C9: variants seen among roughly 807,000 people sequenced by gnomAD.
The protein encoded by C9 is complement component C9.
In C9, 63 loss-of-function variants were observed where a neutral mutation model predicts 65.4. The ratio of observed to expected loss-of-function variants is 0.96; its 90% CI spans 0.79 to 1.19. C9 has a LOEUF of 1.19. C9 is among the 50% of genes most tolerant of loss of function. C9 has a pLI of 0.00. For synonymous variants in C9, 229 were observed against 227.9 expected (o/e 1.00, Z -0.04); for missense variants, 744 against 670.1 (o/e 1.11, Z -1.22).
chr5:39,345,142 T>C (rs1253818987), intron 1 of C9, among the ~76,000 whole-genome samples: 1 of 152,170 alleles, frequency 6.6e-6, no homozygotes, highest in African/African-American at 2.4e-5. Context: ...GCTATCATCA[T>C]AATGACAGGA....
At chr5:39,313,526 C>G (rs1002109976) in intron 6 of C9, among the ~76,000 whole-genome samples, 4 of 152,150 alleles carry the variant, frequency 2.6e-5, no homozygotes, top group African/African-American at 9.7e-5. Flanking sequence ...CCTAGAGAAT[C>G]TTGTTAAAAT....
At chr5:39,290,517 T>A (rs1327225806) in intron 9 of C9, among the ~76,000 whole-genome samples, 3 of 151,866 alleles carry the variant, frequency 2.0e-5, no homozygotes, top group African/African-American at 7.2e-5. Context: ...CACAAATTCC[T>A]GCAGAAGAAT....
intron 1 of C9, among the ~76,000 whole-genome samples, chr5:39,351,042 C>T (rs1343579007): frequency 2.0e-5 from 3 of 152,182 alleles, no homozygotes; most frequent in Non-Finnish European, 2.9e-5. Context: ...GTTGAGGTCC[C>T]CAACCTCAAC....
intron 4 of C9, among the ~76,000 whole-genome samples, chr5:39,340,393 CA>C (rs1754053040): frequency 6.6e-6 from 1 of 152,096 alleles, no homozygotes; most frequent in Non-Finnish European, 1.5e-5. Flanking sequence ...CCACCTTTAC[CA>C]AAAACAGCTC....
intron 10 of C9, among the ~76,000 whole-genome samples, chr5:39,285,945 C>G (rs1056045956): frequency 2.0e-5 from 3 of 152,032 alleles, no homozygotes; most frequent in Non-Finnish European, 2.9e-5. Context: ...CTAGAACATT[C>G]TATGTCAACA....
chr5:39,315,045 A>C (rs1470361704), intron 6 of C9, among the ~76,000 whole-genome samples: 2 of 152,316 alleles, frequency 1.3e-5, no homozygotes, highest in East Asian at 3.9e-4. Context: ...TGTACACTTG[A>C]GTGGGTATGC....
intron 1 of C9, among the ~76,000 whole-genome samples, chr5:39,361,151 T>G (rs1361109706): frequency 1.3e-5 from 2 of 151,786 alleles, no homozygotes; most frequent in African/African-American, 4.8e-5. Context: ...TAAAAAATAG[T>G]ATATATAATA....
intron 5 of C9, among the ~76,000 whole-genome samples, chr5:39,322,669 A>G (rs1753682362): frequency 6.6e-6 from 1 of 152,150 alleles, no homozygotes; most frequent in Admixed American, 6.5e-5. Context: ...TTGGCTCTTC[A>G]TATCTGCAGG....
Position 39,342,190 on chromosome 5 carries a change from G to A in C9, c.84C>T (p.Asp28=), listed in dbSNP as rs747315046. Residue 28 remains aspartate, a synonymous_variant, in exon 2 of 11, where the codon GAC becomes GAT. Coordinates refer to ENST00000263408, the MANE Select transcript of C9 (RefSeq NM_001737.5). The part of the protein sequence containing the change: ...ILTAQYTTSY[D]PELTESSGSA... ...AGCCACTGCTTTCTGTTAGCTCTGG[G>A]TCATAACTAAGATAACAGAACATCC... 10 of 1,567,518 alleles carry A rather than the reference G, an allele frequency of 6.4e-6. No individual in the cohort carries two copies. The East Asian group carries it at 1.8e-4, about 28-fold the overall frequency.
Position 39,306,765 on chromosome 5 carries a change from TCTA to T in C9, c.1265_1267del (p.Ile422_Asp423delinsAsn), listed in dbSNP as rs1387362128. ...ACCTCTTATGAGTGAAACAACATCA[TCTA>T]TGAGGTTTTCACTGGTGATGTTTAC... On this transcript the variant is annotated inframe_deletion, in exon 9 of 11. Coordinates refer to ENST00000263408, the MANE Select transcript of C9 (RefSeq NM_001737.5). 1.2e-6 allele frequency: 2 copies of T among 1,612,418 alleles called. No individual in the cohort carries two copies. The highest frequency in any genetic ancestry group is 2.2e-5 in the South Asian group (2 of 91,068).
At chr5:39,288,380 G>T (rs1753029807) in intron 10 of C9, among the ~76,000 whole-genome samples, 3 of 151,736 alleles carry the variant, frequency 2.0e-5, no homozygotes, top group South Asian at 2.1e-4. Context: ...TATATGCAAA[G>T]TGTATATGAT....
At chr5:39,339,291 A>G (rs1429094384) in intron 4 of C9, among the ~76,000 whole-genome samples, 2 of 152,224 alleles carry the variant, frequency 1.3e-5, no homozygotes, top group Non-Finnish European at 2.9e-5. Context: ...GTAATTTTGA[A>G]TGCTGCTTGA....
intron 9 of C9, among the ~76,000 whole-genome samples, chr5:39,306,197 T>TA (rs1346345095): frequency 7.0e-6 from 1 of 143,552 alleles, no homozygotes; most frequent in African/African-American, 2.6e-5. Context: ...ACTTAGTAAA[T>TA]ACAATTCTCC....
intron 4 of C9, among the ~76,000 whole-genome samples, chr5:39,337,561 C>A (rs950933381): frequency 6.6e-6 from 1 of 152,280 alleles, no homozygotes; most frequent in Admixed American, 6.5e-5. Context: ...CCTGCTTTCA[C>A]ACCTGCATCT....
At chr5:39,355,217 T>C (rs372923655) in intron 1 of C9, among the ~76,000 whole-genome samples, 2 of 152,184 alleles carry the variant, frequency 1.3e-5, no homozygotes, top group Non-Finnish European at 2.9e-5. Flanking sequence ...TGGAGAATCA[T>C]GCATGGAAGG....
chr5:39,331,215 T>C (rs1284716261), intron 5 of C9, among the ~76,000 whole-genome samples: 6 of 152,220 alleles, frequency 3.9e-5, no homozygotes, highest in East Asian at 3.9e-4. Context: ...TTATAAATCA[T>C]TTTCAAGAGG....
At chr5:39,355,005 T>A (rs1754390490) in intron 1 of C9, among the ~76,000 whole-genome samples, 5 of 152,248 alleles carry the variant, frequency 3.3e-5, no homozygotes. Context: ...TCTCCAGTGT[T>A]AGTGCTGTTG....
chr5:39,338,718 C>T (rs1168353121), intron 4 of C9, among the ~76,000 whole-genome samples: 3 of 152,154 alleles, frequency 2.0e-5, no homozygotes, highest in Non-Finnish European at 2.9e-5. Context: ...AGGGCACCAC[C>T]TTCTTACACA....
intron 9 of C9, among the ~76,000 whole-genome samples, chr5:39,300,687 G>A (rs1753263174): frequency 6.6e-6 from 1 of 152,022 alleles, no homozygotes; most frequent in Admixed American, 6.6e-5. Flanking sequence ...TTCTAAATTT[G>A]TATGCCTTTG....
Sources: gnomAD v4.1 joint callset for allele counts (sites outside exome capture counted in the v4.1 genomes callset) on GRCh38, gnomAD v4.1.1 for gene constraint, MANE v1.5 for transcripts, NCBI Gene and HGNC (gene_info 2026-07-23, HGNC 2026-07-21) for gene names.